Variants in TTLL5 observed in about 807,000 individuals in gnomAD.
TTLL5 encodes the protein tubulin tyrosine ligase like 5.
In TTLL5, 132 loss-of-function variants were observed where a neutral mutation model predicts 168.4. That is an observed-to-expected ratio of 0.78 (90% CI 0.68 to 0.91). TTLL5 has a LOEUF of 0.91. TTLL5 is among the 40% of genes least tolerant of loss of function. The pLI, the probability that TTLL5 is intolerant of heterozygous loss-of-function variation, is 0.00. For synonymous variants in TTLL5, 546 were observed against 558.6 expected (o/e 0.98, Z 0.32); for missense variants, 1,545 against 1,581.5 (o/e 0.98, Z 0.39).
chr14:75,790,480 T>G (rs1018928862), intron 26 of TTLL5, among the ~76,000 whole-genome samples: 2 of 151,750 alleles, frequency 1.3e-5, no homozygotes, highest in South Asian at 4.2e-4. Flanking sequence ...TTCTTTTTTT[T>G]TTTTAATTTG....
intron 31 of TTLL5, among the ~76,000 whole-genome samples, chr14:75,922,872 G>T (rs552836406): frequency 6.6e-6 from 1 of 152,100 alleles, no homozygotes; most frequent in Non-Finnish European, 1.5e-5. Context: ...ACTTTTTTTG[G>T]TTGGTAGGCT....
intron 4 of TTLL5, among the ~76,000 whole-genome samples, chr14:75,682,524 G>A (rs77788003): frequency 0.022 from 3,337 of 152,218 alleles, 59 homozygotes; most frequent in Non-Finnish European, 0.033. Context: ...AGAATGATTG[G>A]CCTAGCTTGG....
rs528476064 is a variant in TTLL5 at position 75,933,020 on chromosome 14, A to G, written c.3824-21404A>G. Among the ~76,000 whole-genome samples the G allele has an allele frequency of 4.6e-5, 7 of 152,308 alleles. No individual in the cohort carries two copies. The South Asian group carries it at 1.0e-3, about 23-fold the overall frequency. ...AAAGAAATATTTGACTTTAGCCCCA[A>G]TTCAGAGAAAAGTTTAAGTAGCCCC... is the stretch of plus-strand genomic sequence containing the variant. On this transcript the variant is annotated intron_variant, in intron 31 of 31. Coordinates refer to ENST00000298832, the MANE Select transcript of TTLL5 (RefSeq NM_015072.5).
chr14:75,904,245 G>A, intron 31 of TTLL5: 1 of 1,163,942 alleles, frequency 8.6e-7, no homozygotes, highest in Non-Finnish European at 1.1e-6. Context: ...ACTAGAACAT[G>A]GTAGTTAACT....
At chr14:75,903,262 A>C (rs2033002988) in intron 31 of TTLL5, among the ~76,000 whole-genome samples, 1 of 152,148 alleles carries the variant, frequency 6.6e-6, no homozygotes, top group Admixed American at 6.6e-5. Context: ...CCTAGAGGAA[A>C]AACATCGAAG....
At chr14:75,817,639 C>T (rs543309120) in intron 27 of TTLL5, among the ~76,000 whole-genome samples, 1 of 151,900 alleles carries the variant, frequency 6.6e-6, no homozygotes, top group African/African-American at 2.4e-5. Flanking sequence ...ATTATTAGGC[C>T]CTTAGAACAT....
Position 75,670,456 on chromosome 14 carries a change from G to A in TTLL5, c.181+934G>A, listed in dbSNP as rs533857855. Among the ~76,000 whole-genome samples, 5 of 152,266 alleles carry A rather than the reference G, an allele frequency of 3.3e-5. No individual in the cohort carries two copies. The South Asian group carries it at 1.0e-3, about 32-fold the overall frequency. On this transcript the variant is annotated intron_variant, in intron 3 of 31. Transcript: ENST00000298832. Reference sequence around the variant, plus strand: ...GTATACCTAGGAATGGAATTGCTAGGCCATATGGTAATTCTGTGTTTAACT... The same window carrying A: ...GTATACCTAGGAATGGAATTGCTAGACCATATGGTAATTCTGTGTTTAACT...
At chr14:75,855,192 G>A (rs182189890) in intron 28 of TTLL5, among the ~76,000 whole-genome samples, 33 of 150,584 alleles carry the variant, frequency 2.2e-4, no homozygotes, top group South Asian at 1.0e-3. Flanking sequence ...AAATCAACAT[G>A]TCAGTTTCTT....
chr14:75,776,627 A>T, intron 22 of TTLL5, 120 bp from the exon 23 acceptor site: 2 of 584,002 alleles, frequency 3.4e-6, no homozygotes, highest in Non-Finnish European at 5.7e-6. Flanking sequence ...TACAAGAATT[A>T]AATGTCTTTA....
chr14:75,727,080 A>C (rs1888230492), intron 12 of TTLL5, among the ~76,000 whole-genome samples: 1 of 152,160 alleles, frequency 6.6e-6, no homozygotes, highest in Non-Finnish European at 1.5e-5. Context: ...GGCCTTGAAG[A>C]ATGGACTACA....
At chr14:75,953,814 A>C (rs1370477689) in intron 31 of TTLL5, among the ~76,000 whole-genome samples, 1 of 152,210 alleles carries the variant, frequency 6.6e-6, no homozygotes, top group Non-Finnish European at 1.5e-5. Context: ...AAAGATGGAC[A>C]TATTTAGCAT....
At chr14:75,689,098 T>G (rs1885270969) in intron 5 of TTLL5, among the ~76,000 whole-genome samples, 1 of 152,202 alleles carries the variant, frequency 6.6e-6, no homozygotes, top group South Asian at 2.1e-4. Flanking sequence ...CTCACTTTCT[T>G]GGATCACTTG....
rs377130032 is a variant in TTLL5 at position 75,721,203 on chromosome 14, T to G, written c.1042+500T>G. Among the ~76,000 whole-genome samples the G allele has an allele frequency of 1.9e-3, 289 of 152,150 alleles. 1 individual carries two copies. The highest frequency in any genetic ancestry group is 6.7e-3 in the African/African-American group (278 of 41,502). ...TCTTTTCTCTTTCTCTTTCTCTTCC[T>G]CTTCTCCTCCCCTTCCACTCCACCC... On this transcript the variant is annotated intron_variant, in intron 12 of 31. Transcript: ENST00000298832.
At chr14:75,942,115 G>A (rs1236974146) in intron 31 of TTLL5, among the ~76,000 whole-genome samples, 3 of 151,644 alleles carry the variant, frequency 2.0e-5, no homozygotes, top group East Asian at 1.9e-4. Flanking sequence ...CCAGGGAGGC[G>A]GAGCTTGCAG....
At chr14:75,759,994 C>G (rs1294394919) in intron 18 of TTLL5, among the ~76,000 whole-genome samples, 1 of 151,914 alleles carries the variant, frequency 6.6e-6, no homozygotes, top group Non-Finnish European at 1.5e-5. Context: ...TCACGTTGTA[C>G]ATTAGTATAG....
rs1892812990 is a variant in TTLL5 at position 75,793,112 on chromosome 14, C to T, written c.3171+12C>T. 1.9e-6 allele frequency: 3 copies of T among 1,577,036 alleles called. No homozygotes were observed. In the East Asian group the frequency reaches 6.8e-5, roughly 36 times the overall value. On this transcript the variant is annotated intron_variant, in intron 27 of 31. Transcript: ENST00000298832. ...TCCTCACCCAACAGGTACGGATGGT[C>T]TGGGGTGTCCAAGAGCTCTTTGGAC...
At chr14:75,860,500 C>A (rs1224864980) in intron 28 of TTLL5, among the ~76,000 whole-genome samples, 1 of 152,214 alleles carries the variant, frequency 6.6e-6, no homozygotes. Flanking sequence ...ACTTCTGTAA[C>A]CAGCAAAGCA....
In TTLL5 at chr14:75,690,174, A is replaced by G; in HGVS notation, c.372-18A>G. The G allele has an allele frequency of 6.2e-7, 1 of 1,612,554 alleles. No individual in the cohort carries two copies. Among genetic ancestry groups the G allele is most frequent in the Non-Finnish European group, 8.5e-7 (1 of 1,179,466 alleles). ...GAGTCATAGTTTACTGAATGGAAATACTTTTTTGATTTTTCAGGTCTTATG... is the reference window on the plus strand; with the variant it reads ...GAGTCATAGTTTACTGAATGGAAATGCTTTTTTGATTTTTCAGGTCTTATG... On this transcript the variant is annotated intron_variant, in intron 5 of 31. Transcript: ENST00000298832.
At chr14:75,946,715 G>A (rs955887610) in intron 31 of TTLL5, among the ~76,000 whole-genome samples, 13 of 151,394 alleles carry the variant, frequency 8.6e-5, no homozygotes, top group Admixed American at 2.6e-4. Context: ...AACACAAACC[G>A]TACATGAGAA....
Sources: allele counts gnomAD v4.1 joint callset (sites outside exome capture counted in the v4.1 genomes callset), GRCh38; gene constraint gnomAD v4.1.1; transcripts MANE v1.5; gene names NCBI Gene and HGNC (gene_info 2026-07-23, HGNC 2026-07-21).